CPED1: variants seen among roughly 807,000 people sequenced by gnomAD.
CPED1 encodes cadherin-like and PC-esterase domain-containing protein 1.
A neutral mutation model predicts 128.2 loss-of-function variants in CPED1; 114 were observed. The ratio of observed to expected loss-of-function variants is 0.89; its 90% CI spans 0.76 to 1.04. The LOEUF is 1.04. Among genes scored for constraint, CPED1 ranks in the 50% least tolerant of loss-of-function variants. The pLI is 0.00. For synonymous variants in CPED1, 462 were observed against 426.7 expected (o/e 1.08, Z -1.02); for missense variants, 1,211 against 1,207.1 (o/e 1.00, Z -0.05).
At chr7:121,170,609 T>A (rs113627214) in intron 16 of CPED1, among the ~76,000 whole-genome samples, 1 of 152,148 alleles carries the variant, frequency 6.6e-6, no homozygotes, top group African/African-American at 2.4e-5. Context: ...AAAATAGATA[T>A]CTTCCGTCTT....
At chr7:121,007,040 G>A (rs1004700082) in intron 2 of CPED1, among the ~76,000 whole-genome samples, 1 of 152,074 alleles carries the variant, frequency 6.6e-6, no homozygotes, top group African/African-American at 2.4e-5. Flanking sequence ...GGTGATCCTA[G>A]ATATGCACTT....
At chr7:121,214,772 C>A (rs552477763) in intron 16 of CPED1, among the ~76,000 whole-genome samples, 1 of 151,980 alleles carries the variant, frequency 6.6e-6, no homozygotes, top group Non-Finnish European at 1.5e-5. Flanking sequence ...CCATAGTAGT[C>A]TGAATGTTCA....
At chr7:121,088,762 GCAAA>G (rs1396855915) in intron 5 of CPED1, among the ~76,000 whole-genome samples, 1 of 4,400 alleles carries the variant, frequency 2.3e-4, no homozygotes, top group East Asian at 0.013. Context: ...GCAAAAATTG[GCAAA>G]AAAAAAAAAA....
At chr7:121,136,736 G>A (rs1191123840) in intron 14 of CPED1, among the ~76,000 whole-genome samples, 1 of 151,948 alleles carries the variant, frequency 6.6e-6, no homozygotes, top group African/African-American at 2.4e-5. Flanking sequence ...CAGATTCTCT[G>A]TTCAAAGCTC....
Position 121,154,751 on chromosome 7 carries a change from G to A in CPED1, c.2055+12610G>A, listed in dbSNP as rs191839740. Among the ~76,000 whole-genome samples, 1,016 of 152,064 alleles carry A rather than the reference G, an allele frequency of 6.7e-3. 14 individuals are homozygous for A. The highest frequency in any genetic ancestry group is 0.023 in the African/African-American group (951 of 41,496). On this transcript the variant is annotated intron_variant, in intron 16 of 22. Transcript: ENST00000310396. ...AGTAGAGACGGGGTTTCACCATGTT[G>A]GCCAGGATGGTCTCGATCTCCTGAC...
chr7:121,203,406 ATAATCT>A (rs1312840469), intron 16 of CPED1, among the ~76,000 whole-genome samples: 1 of 152,086 alleles, frequency 6.6e-6, no homozygotes, highest in Non-Finnish European at 1.5e-5. Flanking sequence ...ATGTTAAAAA[ATAATCT>A]TTATCTTTGT....
chr7:121,089,098 A>G (rs1794517153), intron 5 of CPED1, among the ~76,000 whole-genome samples: 1 of 152,206 alleles, frequency 6.6e-6, no homozygotes, highest in Non-Finnish European at 1.5e-5. Flanking sequence ...TCAGGTTCTA[A>G]TCATATCACT....
At chr7:121,241,280 G>A (rs1405096164) in intron 17 of CPED1, among the ~76,000 whole-genome samples, 1 of 81,390 alleles carries the variant, frequency 1.2e-5, no homozygotes, top group East Asian at 2.8e-4. Context: ...CCCGGGAGGC[G>A]GAGCTTGCAG....
At chr7:120,998,936 T>C (rs1053305106) in intron 2 of CPED1, among the ~76,000 whole-genome samples, 1 of 152,062 alleles carries the variant, frequency 6.6e-6, no homozygotes, top group Non-Finnish European at 1.5e-5. Context: ...CTGAGTAACA[T>C]ATCTATTCAT....
chr7:121,276,836 A>G (rs1279480274), intron 22 of CPED1, among the ~76,000 whole-genome samples: 3 of 152,162 alleles, frequency 2.0e-5, no homozygotes, highest in Non-Finnish European at 4.4e-5. Flanking sequence ...ATTTGAAAAA[A>G]GTAGGTGAGG....
At chr7:121,222,683 G>A (rs909776608) in intron 16 of CPED1, among the ~76,000 whole-genome samples, 3 of 152,254 alleles carry the variant, frequency 2.0e-5, no homozygotes, top group Non-Finnish European at 4.4e-5. Flanking sequence ...TCCCTCCTAA[G>A]TTGGATTTCT....
intron 3 of CPED1, among the ~76,000 whole-genome samples, chr7:121,021,032 G>C (rs1792425705): frequency 6.6e-6 from 1 of 151,870 alleles, no homozygotes; most frequent in South Asian, 2.1e-4. Context: ...TAAGGGGCTA[G>C]AGTTAATACT....
At chr7:121,227,542 T>C (rs901716884) in intron 16 of CPED1, among the ~76,000 whole-genome samples, 6 of 152,068 alleles carry the variant, frequency 3.9e-5, no homozygotes, top group South Asian at 4.1e-4. Flanking sequence ...AAAGTATTGA[T>C]TAATTCACAG....
intron 16 of CPED1, among the ~76,000 whole-genome samples, chr7:121,145,146 T>G (rs1333217727): frequency 1.3e-5 from 2 of 151,880 alleles, no homozygotes; most frequent in Non-Finnish European, 2.9e-5. Context: ...TGTGTATATA[T>G]ATATATAAAT....
At chr7:121,103,574 G>A (rs1240864534) in intron 7 of CPED1, among the ~76,000 whole-genome samples, 1 of 152,078 alleles carries the variant, frequency 6.6e-6, no homozygotes, top group Admixed American at 6.6e-5. Context: ...ACTTCTCACT[G>A]CTAATGTGGA....
At chr7:121,284,707 C>T (rs1792530782) in intron 22 of CPED1, among the ~76,000 whole-genome samples, 1 of 152,230 alleles carries the variant, frequency 6.6e-6, no homozygotes, top group Admixed American at 6.5e-5. Context: ...CACTAGGTCT[C>T]ACATCCAAGT....
intron 2 of CPED1, among the ~76,000 whole-genome samples, chr7:121,007,499 A>G (rs929078183): frequency 5.9e-5 from 9 of 152,202 alleles, no homozygotes; most frequent in Middle Eastern, 3.2e-3. Context: ...TCTATAAGGT[A>G]TCAGTATTTC....
At chr7:121,190,137 GAC>G (rs916961011) in intron 16 of CPED1, among the ~76,000 whole-genome samples, 23 of 152,036 alleles carry the variant, frequency 1.5e-4, no homozygotes, top group African/African-American at 5.1e-4. Flanking sequence ...AATGAGAAGG[GAC>G]ACTATTGTAA....
chr7:121,079,836 C>G (rs1227920012), intron 5 of CPED1, among the ~76,000 whole-genome samples: 2 of 152,206 alleles, frequency 1.3e-5, no homozygotes, highest in African/African-American at 4.8e-5. Flanking sequence ...CAGACACTTA[C>G]CTATTTCACT....
Sources: allele counts gnomAD v4.1 joint callset (sites outside exome capture counted in the v4.1 genomes callset), GRCh38; gene constraint gnomAD v4.1.1; transcripts MANE v1.5; gene names NCBI Gene and HGNC (gene_info 2026-07-23, HGNC 2026-07-21).